POU6F2: variants seen among roughly 807,000 people sequenced by gnomAD.
POU6F2 encodes POU class 6 homeobox 2.
Under a neutral mutation model 71.3 loss-of-function variants are expected in POU6F2, and 31 were observed. The observed-to-expected ratio is 0.43, with a 90% CI of 0.33 to 0.59. The LOEUF (loss-of-function observed/expected upper bound fraction) is 0.59, where lower values mean the gene tolerates loss of function less well. Among genes scored for constraint, POU6F2 ranks in the 20% least tolerant of loss-of-function variants. The pLI, the probability that POU6F2 is intolerant of heterozygous loss-of-function variation, is 0.04. For missense variants in POU6F2, 783 were observed against 856.8 expected (o/e 0.91, Z 1.07); for synonymous variants, 347 against 355.7 (o/e 0.98, Z 0.27).
At chr7:39,200,682 A>G (rs1331320428) in intron 2 of POU6F2, among the ~76,000 whole-genome samples, 2 of 152,144 alleles carry the variant, frequency 1.3e-5, no homozygotes, top group African/African-American at 2.4e-5. Flanking sequence ...GCAGGTCACT[A>G]TTATAGACAA....
intron 4 of POU6F2, among the ~76,000 whole-genome samples, chr7:39,331,437 TTCTG>T (rs1413458529): frequency 2.6e-5 from 4 of 152,194 alleles, no homozygotes; most frequent in Admixed American, 6.5e-5. Flanking sequence ...AATGCTTGTT[TTCTG>T]TCTTTTAGAT....
intron 4 of POU6F2, among the ~76,000 whole-genome samples, chr7:39,303,416 G>T (rs1784990309): frequency 6.6e-6 from 1 of 152,100 alleles, no homozygotes; most frequent in Non-Finnish European, 1.5e-5. Context: ...CAAAGTGCTG[G>T]GATTACAGGC....
chr7:39,467,662 T>G lies in POU6F2; in HGVS notation c.*2976T>G, dbSNP rs1437215867. On this transcript the variant is annotated 3_prime_UTR_variant, in exon 10 of 10. Coordinates refer to ENST00000518318, the MANE Select transcript of POU6F2 (RefSeq NM_001370959.1). Reference sequence around the variant, plus strand: ...TATTTTGAACAATTGAAACTTTTAATTGCATTTGCAAGGTTTTGGCTTCTT... The same window carrying G: ...TATTTTGAACAATTGAAACTTTTAAGTGCATTTGCAAGGTTTTGGCTTCTT... 1.3e-5 allele frequency: 2 copies of G among 152,328 alleles called. No homozygotes were observed. Among genetic ancestry groups the G allele is most frequent in the Admixed American group, 1.3e-4 (2 of 15,298 alleles). 9.4% of individuals were successfully genotyped at this position (152,328 alleles called of 1,614,324 possible).
At chr7:39,137,187 A>C (rs1048165178) in intron 2 of POU6F2, among the ~76,000 whole-genome samples, 5 of 152,210 alleles carry the variant, frequency 3.3e-5, no homozygotes, top group African/African-American at 1.2e-4. Context: ...GAAATGGTGG[A>C]TATGCTAATT....
At chr7:39,094,848 A>G (rs543738142) in intron 2 of POU6F2, among the ~76,000 whole-genome samples, 11 of 152,284 alleles carry the variant, frequency 7.2e-5, no homozygotes, top group African/African-American at 2.6e-4. Flanking sequence ...TCAAATGGAA[A>G]CCCACATGTT....
intron 7 of POU6F2, among the ~76,000 whole-genome samples, chr7:39,442,087 C>A (rs902091499): frequency 3.9e-5 from 6 of 152,052 alleles, no homozygotes; most frequent in African/African-American, 1.4e-4. Flanking sequence ...CTTGGTGGCT[C>A]TCAGAGACTA....
intron 4 of POU6F2, among the ~76,000 whole-genome samples, chr7:39,251,917 G>C (rs578018151): frequency 6.6e-6 from 1 of 152,214 alleles, no homozygotes; most frequent in South Asian, 2.1e-4. Context: ...CATAACCAGG[G>C]GAGAAAAGTA....
At chr7:39,315,561 G>A (rs745961211) in intron 4 of POU6F2, among the ~76,000 whole-genome samples, 6 of 152,134 alleles carry the variant, frequency 3.9e-5, no homozygotes, top group Admixed American at 6.5e-5. Context: ...TCCATCCTCC[G>A]GCAGGCAGCC....
At chr7:39,263,854 C>T (rs143517661) in intron 4 of POU6F2, among the ~76,000 whole-genome samples, 247 of 152,332 alleles carry the variant, frequency 1.6e-3, no homozygotes, top group African/African-American at 5.7e-3. Context: ...ACTGTTGTCT[C>T]TCCAGAGCCT....
intron 8 of POU6F2, 149 bp downstream of exon 8, chr7:39,451,850 T>C (rs1177287441): frequency 9.2e-7 from 1 of 1,089,914 alleles, no homozygotes; most frequent in Non-Finnish European, 1.3e-6. Flanking sequence ...TAGGTCAATA[T>C]TGAGATGAAG....
At position 39,087,159 on chromosome 7, in the gene POU6F2, A is replaced by AATTT. The variant is rs35190834; in HGVS notation, c.277+1165_277+1168dup. Among the ~76,000 whole-genome samples the AATTT allele has an allele frequency of 3.8e-3, 484 of 125,728 alleles. 2 individuals carry two copies. Among genetic ancestry groups the AATTT allele is most frequent in the Middle Eastern group, 0.023 (5 of 220 alleles). 82.5% of individuals were successfully genotyped at this position (125,728 alleles called of 152,430 possible). On this transcript the variant is annotated intron_variant, in intron 2 of 9. Transcript: ENST00000518318. Reference sequence around the variant, plus strand: ...CACAGGCTTTATTAATTAATTAATTAATTTATTTATTTATTTATTTATTTA... The same window carrying AATTT: ...CACAGGCTTTATTAATTAATTAATTAATTTATTTATTTATTTATTTATTTATTTA...
At chr7:39,445,713 AT>A (rs1342260505) in intron 7 of POU6F2, among the ~76,000 whole-genome samples, 12 of 152,146 alleles carry the variant, frequency 7.9e-5, no homozygotes, top group African/African-American at 2.9e-4. Flanking sequence ...TCAACAATAA[AT>A]CTCTCAGCAA....
Position 39,125,976 on chromosome 7 carries a change from T to C in POU6F2, c.277+39945T>C, listed in dbSNP as rs145061300. Among the ~76,000 whole-genome samples, 451 of 152,348 alleles carry C rather than the reference T, an allele frequency of 3.0e-3. 1 individual carries two copies. The highest frequency in any genetic ancestry group is 0.01 in the African/African-American group (427 of 41,596). ...CTCCCACTGGTTCCAATCTCCTGAA[T>C]GGTGCCTGTCTCTCCCATGCAGCTA... On this transcript the variant is annotated intron_variant, in intron 2 of 9. Coordinates refer to ENST00000518318, the MANE Select transcript of POU6F2 (RefSeq NM_001370959.1).
intron 1 of POU6F2, among the ~76,000 whole-genome samples, chr7:39,016,008 T>A (rs1359359109): frequency 3.0e-5 from 2 of 66,062 alleles, no homozygotes; most frequent in African/African-American, 6.3e-5. Flanking sequence ...AGATATATAT[T>A]ATATATTATA....
At position 39,433,513 on chromosome 7, in the gene POU6F2, A is replaced by G. The variant is rs549878254; in HGVS notation, c.1320+230A>G. 1.4e-4 allele frequency among the ~76,000 whole-genome samples: 22 copies of G among 152,328 alleles called. No individual in the cohort carries two copies. In the East Asian group the frequency reaches 3.3e-3, roughly 23 times the overall value. On this transcript the variant is annotated intron_variant, in intron 7 of 9. Coordinates refer to ENST00000518318, the MANE Select transcript of POU6F2 (RefSeq NM_001370959.1). Reference sequence around the variant, plus strand: ...TAAAAATAAGAATATATTAAATTACAAACAGAGAGAGTGCCCTAAAATTCA... The same window carrying G: ...TAAAAATAAGAATATATTAAATTACGAACAGAGAGAGTGCCCTAAAATTCA...
At chr7:38,988,551 C>T (rs1251291414) in intron 1 of POU6F2, among the ~76,000 whole-genome samples, 1 of 152,174 alleles carries the variant, frequency 6.6e-6, no homozygotes, top group South Asian at 2.1e-4. Context: ...ATGTTTAATA[C>T]TATTTTTCAT....
At chr7:39,444,187 T>C (rs532836994) in intron 7 of POU6F2, among the ~76,000 whole-genome samples, 17 of 132,520 alleles carry the variant, frequency 1.3e-4, no homozygotes, top group Non-Finnish European at 2.2e-4. Flanking sequence ...GTAAACAGTA[T>C]TTTTTTAAAA....
At chr7:39,303,089 C>T (rs1034620481) in intron 4 of POU6F2, among the ~76,000 whole-genome samples, 1 of 152,220 alleles carries the variant, frequency 6.6e-6, no homozygotes, top group Admixed American at 6.5e-5. Context: ...TGAAAAGGCA[C>T]TGGATATTGT....
intron 4 of POU6F2, among the ~76,000 whole-genome samples, chr7:39,313,162 T>A (rs1054175095): frequency 6.6e-6 from 1 of 152,154 alleles, no homozygotes; most frequent in East Asian, 1.9e-4. Context: ...TCCAGCCCCA[T>A]CCCCGACTCC....
Sources: allele counts gnomAD v4.1 joint callset (sites outside exome capture counted in the v4.1 genomes callset), GRCh38; gene constraint gnomAD v4.1.1; transcripts MANE v1.5; gene names NCBI Gene and HGNC (gene_info 2026-07-23, HGNC 2026-07-21).